AGMO: variants seen among roughly 807,000 people sequenced by gnomAD.
AGMO encodes the protein alkylglycerol monooxygenase.
In AGMO, 75 loss-of-function variants were observed where a neutral mutation model predicts 60.2. That is an observed-to-expected ratio of 1.25 (90% CI 1.03 to 1.51). The LOEUF is 1.51. Ranked by LOEUF, AGMO falls within the 40% of genes most tolerant of loss-of-function variation. The probability of loss-of-function intolerance (pLI) is 0.00; values close to 1 mark genes in which losing one functional copy is unlikely to be tolerated. For synonymous variants in AGMO, 261 were observed against 177.1 expected (o/e 1.47, Z -3.76); for missense variants, 763 against 525.5 (o/e 1.45, Z -4.42).
At chr7:15,255,951 A>C (rs1783084678) in intron 12 of AGMO, among the ~76,000 whole-genome samples, 1 of 152,246 alleles carries the variant, frequency 6.6e-6, no homozygotes, top group African/African-American at 2.4e-5. Flanking sequence ...AATCTGAATA[A>C]GAGAGAAGAA....
chr7:15,216,383 G>T (rs1348063878), intron 12 of AGMO, among the ~76,000 whole-genome samples: 1 of 151,996 alleles, frequency 6.6e-6, no homozygotes, highest in Non-Finnish European at 1.5e-5. Flanking sequence ...ATTTTATAGG[G>T]TTCCTTTTTC....
intron 12 of AGMO, among the ~76,000 whole-genome samples, chr7:15,350,556 T>G (rs1351027562): frequency 6.6e-6 from 1 of 152,118 alleles, no homozygotes; most frequent in South Asian, 2.1e-4. Context: ...AAAACTCACA[T>G]TGAGAGTCAG....
chr7:15,351,103 G>T (rs1174664298), intron 12 of AGMO, among the ~76,000 whole-genome samples: 1 of 152,098 alleles, frequency 6.6e-6, no homozygotes, highest in Non-Finnish European at 1.5e-5. Context: ...TATAGTTTAG[G>T]TATAGTTGAT....
At chr7:15,471,400 T>C (rs1476125408) in intron 3 of AGMO, among the ~76,000 whole-genome samples, 1 of 151,946 alleles carries the variant, frequency 6.6e-6, no homozygotes, top group Non-Finnish European at 1.5e-5. Context: ...GGACCTCTTA[T>C]AAGCATATTC....
intron 12 of AGMO, among the ~76,000 whole-genome samples, chr7:15,334,035 G>C (rs778914584): frequency 1.3e-5 from 2 of 152,074 alleles, no homozygotes; most frequent in Non-Finnish European, 2.9e-5. Context: ...ACAATACCAA[G>C]GGAGGTTCCT....
At chr7:15,195,400 G>C (rs978122596), downstream of AGMO, among the ~76,000 whole-genome samples, 1 of 152,232 alleles carries the variant, frequency 6.6e-6, no homozygotes, top group African/African-American at 2.4e-5. Flanking sequence ...GTACAGATTG[G>C]CTTGAGGAGG....
At chr7:15,276,423 C>T (rs1395131886) in intron 12 of AGMO, among the ~76,000 whole-genome samples, 1 of 151,844 alleles carries the variant, frequency 6.6e-6, no homozygotes, top group Non-Finnish European at 1.5e-5. Context: ...ATGAGATTTA[C>T]ATTATAGGTG....
At chr7:15,234,683 A>C (rs191491292) in intron 12 of AGMO, among the ~76,000 whole-genome samples, 1 of 152,212 alleles carries the variant, frequency 6.6e-6, no homozygotes, top group Non-Finnish European at 1.5e-5. Flanking sequence ...CAACTACTCA[A>C]CTATGCCATG....
chr7:15,521,964 C>A (rs2128536088), intron 3 of AGMO, among the ~76,000 whole-genome samples: 1 of 152,206 alleles, frequency 6.6e-6, no homozygotes, highest in Non-Finnish European at 1.5e-5. Context: ...ATCTCAGCCC[C>A]AAAATGCCTT....
chr7:15,289,525 G>A (rs1250808844), intron 12 of AGMO, among the ~76,000 whole-genome samples: 2 of 151,658 alleles, frequency 1.3e-5, no homozygotes, highest in Admixed American at 1.3e-4. Context: ...GGCTCACCAA[G>A]TATATATTAT....
chr7:15,520,265 C>T (rs1312819411), intron 3 of AGMO, among the ~76,000 whole-genome samples: 1 of 152,086 alleles, frequency 6.6e-6, no homozygotes, highest in Non-Finnish European at 1.5e-5. Context: ...TTTAACACCC[C>T]ATTGTCAATA....
At chr7:15,443,500 T>G (rs1781618982) in intron 3 of AGMO, among the ~76,000 whole-genome samples, 1 of 152,212 alleles carries the variant, frequency 6.6e-6, no homozygotes, top group South Asian at 2.1e-4. Context: ...TTCATTATTG[T>G]TTTTCATCAA....
intron 12 of AGMO, among the ~76,000 whole-genome samples, chr7:15,286,383 A>C (rs966560843): frequency 2.0e-5 from 3 of 152,024 alleles, no homozygotes; most frequent in African/African-American, 4.8e-5. Flanking sequence ...AGGAAAAAAA[A>C]CAAATAATCC....
At chr7:15,225,123 A>C (rs570481538) in intron 12 of AGMO, among the ~76,000 whole-genome samples, 1 of 151,864 alleles carries the variant, frequency 6.6e-6, no homozygotes, top group South Asian at 2.1e-4. Flanking sequence ...AATTATACTA[A>C]ATATATTGTT....
intron 12 of AGMO, among the ~76,000 whole-genome samples, chr7:15,263,698 A>G (rs1783347721): frequency 6.6e-6 from 1 of 152,088 alleles, no homozygotes; most frequent in Admixed American, 6.6e-5. Context: ...GAAGGGATAA[A>G]GAAATATGGT....
intron 12 of AGMO, among the ~76,000 whole-genome samples, chr7:15,227,453 C>A (rs1364322609): frequency 1.3e-5 from 2 of 149,614 alleles, no homozygotes; most frequent in East Asian, 3.9e-4. Flanking sequence ...ACAACAACAA[C>A]AAAATGGTGA....
intron 3 of AGMO, among the ~76,000 whole-genome samples, chr7:15,496,961 T>C (rs1783249961): frequency 6.6e-6 from 1 of 152,170 alleles, no homozygotes; most frequent in Non-Finnish European, 1.5e-5. Context: ...ATTTCTCTAC[T>C]ATCCAATCTT....
At chr7:15,440,570 T>C (rs1456089464) in intron 3 of AGMO, among the ~76,000 whole-genome samples, 1 of 152,230 alleles carries the variant, frequency 6.6e-6, no homozygotes, top group Non-Finnish European at 1.5e-5. Flanking sequence ...TTCATCTTAT[T>C]TTCCATATTT....
chr7:15,538,489 C>A (rs976307442), intron 3 of AGMO, among the ~76,000 whole-genome samples: 1 of 152,110 alleles, frequency 6.6e-6, no homozygotes, highest in Admixed American at 6.5e-5. Context: ...CTGCCTTGGT[C>A]TCCCTAGGCG....
Sources: gnomAD v4.1 joint callset for allele counts (sites outside exome capture counted in the v4.1 genomes callset) on GRCh38, gnomAD v4.1.1 for gene constraint, MANE v1.5 for transcripts, NCBI Gene and HGNC (gene_info 2026-07-23, HGNC 2026-07-21) for gene names.